MOXD1: variants seen among roughly 807,000 people sequenced by gnomAD.
MOXD1 encodes the protein monooxygenase DBH like 1.
In MOXD1, 62 loss-of-function variants were observed where a neutral mutation model predicts 66.6. That is an observed-to-expected ratio of 0.93 (90% CI 0.76 to 1.15). The LOEUF (loss-of-function observed/expected upper bound fraction) is 1.15, where lower values mean the gene tolerates loss of function less well. MOXD1 is among the 50% of genes most tolerant of loss of function. The pLI is 0.00. For missense variants in MOXD1, 847 were observed against 754.6 expected, an observed-to-expected ratio of 1.12 and a Z score of -1.44; for synonymous variants, 303 against 281.9, an observed-to-expected ratio of 1.07 and a Z score of -0.75.
intron 9 of MOXD1, among the ~76,000 whole-genome samples, chr6:132,317,078 T>C (rs1444155291): frequency 1.3e-5 from 2 of 151,976 alleles, no homozygotes; most frequent in East Asian, 1.9e-4. Flanking sequence ...AAGAATACAA[T>C]TGACAGCTGA....
intron 9 of MOXD1, among the ~76,000 whole-genome samples, chr6:132,319,447 T>G (rs1226595017): frequency 6.6e-6 from 1 of 152,052 alleles, no homozygotes; most frequent in African/African-American, 2.4e-5. Flanking sequence ...ATTTATAATT[T>G]TTTCACAGAG....
chr6:132,309,480 A>T (rs1185754972), intron 10 of MOXD1, among the ~76,000 whole-genome samples: 1 of 152,228 alleles, frequency 6.6e-6, no homozygotes, highest in African/African-American at 2.4e-5. Context: ...TATTTCCATC[A>T]AACTACCATT....
intron 4 of MOXD1, among the ~76,000 whole-genome samples, chr6:132,360,680 T>C (rs976830769): frequency 6.6e-6 from 1 of 152,208 alleles, no homozygotes; most frequent in African/African-American, 2.4e-5. Context: ...CTCTCTAATA[T>C]TTATGTGTAC....
intron 6 of MOXD1, among the ~76,000 whole-genome samples, chr6:132,327,458 G>T (rs55777437): frequency 6.6e-6 from 1 of 151,998 alleles, no homozygotes; most frequent in African/African-American, 2.4e-5. Flanking sequence ...TGATAATTTC[G>T]TGTTAAATCT....
intron 1 of MOXD1, among the ~76,000 whole-genome samples, chr6:132,389,554 G>C (rs1212377669): frequency 6.6e-6 from 1 of 151,560 alleles, no homozygotes; most frequent in Admixed American, 6.6e-5. Context: ...ACCTCCCAAG[G>C]ATTGTGCTTT....
chr6:132,331,484 T>G (rs907420739), intron 4 of MOXD1, among the ~76,000 whole-genome samples: 1 of 151,928 alleles, frequency 6.6e-6, no homozygotes, highest in African/African-American at 2.4e-5. Flanking sequence ...AAGAAACTTT[T>G]AAGAGCAAGT....
chr6:132,357,925 A>C (rs1319312133), intron 4 of MOXD1, among the ~76,000 whole-genome samples: 1 of 152,200 alleles, frequency 6.6e-6, no homozygotes, highest in East Asian at 1.9e-4. Context: ...CCATGAAATA[A>C]AATGTTGACA....
At chr6:132,336,707 G>A (rs1281748623) in intron 4 of MOXD1, among the ~76,000 whole-genome samples, 1 of 152,132 alleles carries the variant, frequency 6.6e-6, no homozygotes, top group East Asian at 1.9e-4. Flanking sequence ...AAGCACATGA[G>A]GTGATGGCAA....
At chr6:132,323,086 G>T (rs1775113641) in intron 7 of MOXD1, among the ~76,000 whole-genome samples, 1 of 152,212 alleles carries the variant, frequency 6.6e-6, no homozygotes, top group East Asian at 1.9e-4. Context: ...TGCTTATAAG[G>T]GGCCTCCCAG....
intron 2 of MOXD1, 128 bp from the exon 3 acceptor site, chr6:132,373,125 T>C: frequency 1.1e-6 from 1 of 872,910 alleles, no homozygotes; most frequent in Admixed American, 2.9e-5. Flanking sequence ...CATTTGGAGT[T>C]ATCAACATGG....
chr6:132,337,091 C>T (rs1021955714), intron 4 of MOXD1, among the ~76,000 whole-genome samples: 24 of 152,298 alleles, frequency 1.6e-4, no homozygotes, highest in African/African-American at 5.8e-4. Flanking sequence ...TGGCAGAGTT[C>T]GAACACTTCA....
intron 10 of MOXD1, among the ~76,000 whole-genome samples, chr6:132,300,995 A>G (rs61306520): frequency 0.048 from 7,240 of 152,250 alleles, 542 homozygotes; most frequent in African/African-American, 0.16. Flanking sequence ...AGACAGAAAA[A>G]GTGAATATTT....
chr6:132,381,457 CA>C (rs778839480), intron 1 of MOXD1, among the ~76,000 whole-genome samples: 3 of 146,404 alleles, frequency 2.0e-5, no homozygotes, highest in Non-Finnish European at 4.5e-5. Flanking sequence ...GAGAAAAAGG[CA>C]AAAAAAAATT....
intron 4 of MOXD1, among the ~76,000 whole-genome samples, chr6:132,342,660 A>G (rs1775588468): frequency 6.6e-6 from 1 of 152,244 alleles, no homozygotes; most frequent in African/African-American, 2.4e-5. Flanking sequence ...TTTAAATGAT[A>G]CATGAATTGT....
chr6:132,315,766 G>T lies in MOXD1; in HGVS notation c.1377C>A (p.Ser459Arg). 1 of 1,613,280 alleles carries T rather than the reference G, an allele frequency of 6.2e-7. No homozygotes were observed. Among genetic ancestry groups the T allele is most frequent in the Non-Finnish European group, 8.5e-7 (1 of 1,179,566 alleles). ...DRAEMTWGGL[S>R]TRSEMCLSYL... The stretch of plus-strand genomic sequence containing the variant: ...ATGAGAGACACATTTCACTCCTGGT[G>T]CTTAGTCCTCCCTGAAAACAGATAG... Residue 459 changes from serine to arginine, a missense_variant, in exon 10 of 12, where the codon AGC becomes AGA. Physicochemically the swap from Ser to Arg is moderately radical, Grantham distance 110. Transcript: ENST00000367963.
Position 132,324,071 on chromosome 6 carries a change from A to G in MOXD1, c.973T>C (p.Leu325=), listed in dbSNP as rs61745246. 2.0e-3 allele frequency: 3,175 copies of G among 1,613,644 alleles called. 38 individuals carry two copies. The highest frequency in any genetic ancestry group is 0.018 in the South Asian group (1,614 of 90,990). ...EGLIDNSGLR[L]FYTMDIRKYD... is the part of the protein sequence containing the mutation. Reference sequence around the variant, plus strand: ...TTCCTTATATCCATTGTGTAAAATAACCTCAGTCCAGAATTATCTATTAAG... The same window carrying G: ...TTCCTTATATCCATTGTGTAAAATAGCCTCAGTCCAGAATTATCTATTAAG... The change falls in exon 7 of 12, where the codon TTA becomes CTA. Residue 325 remains leucine (L), a synonymous_variant. Transcript: ENST00000367963.
intron 1 of MOXD1, among the ~76,000 whole-genome samples, chr6:132,375,832 T>C (rs1776367586): frequency 6.6e-6 from 1 of 152,168 alleles, no homozygotes; most frequent in Non-Finnish European, 1.5e-5. Flanking sequence ...CCTTGAAGAA[T>C]TGTTGAAGTA....
chr6:132,306,895 C>T (rs544530447), intron 10 of MOXD1, among the ~76,000 whole-genome samples: 1 of 152,194 alleles, frequency 6.6e-6, no homozygotes, highest in Non-Finnish European at 1.5e-5. Flanking sequence ...CTCGTACCAG[C>T]CACTGCAAAA....
intron 4 of MOXD1, among the ~76,000 whole-genome samples, chr6:132,351,152 C>T (rs1447432968): frequency 1.3e-5 from 2 of 152,064 alleles, no homozygotes; most frequent in African/African-American, 2.4e-5. Context: ...TGTCTGATTG[C>T]TCTGGCTAGG....
Sources: allele counts gnomAD v4.1 joint callset (sites outside exome capture counted in the v4.1 genomes callset), GRCh38; gene constraint gnomAD v4.1.1; transcripts MANE v1.5; gene names NCBI Gene and HGNC (gene_info 2026-07-23, HGNC 2026-07-21).